Variants in TACC2 observed in about 807,000 individuals in gnomAD.
TACC2 encodes transforming acidic coiled-coil containing protein 2.
In TACC2, 137 loss-of-function variants were observed where a neutral mutation model predicts 227.3. The observed-to-expected ratio is 0.60, with a 90% CI of 0.52 to 0.69. The LOEUF is 0.69. TACC2 is among the 30% of genes least tolerant of loss of function. The probability of loss-of-function intolerance (pLI) is 0.00; values close to 1 mark genes in which losing one functional copy is unlikely to be tolerated. For synonymous variants in TACC2, 1,523 were observed against 1,487.5 expected (o/e 1.02, Z -0.55); for missense variants, 3,470 against 3,694.4 (o/e 0.94, Z 1.57).
At chr10:122,214,218 G>A (rs2141086114) in intron 9 of TACC2, among the ~76,000 whole-genome samples, 2 of 152,214 alleles carry the variant, frequency 1.3e-5, no homozygotes, top group South Asian at 4.1e-4. Context: ...GATTTCTTGA[G>A]TATTTTTGAG....
At chr10:122,146,259 T>C (rs1356271252) in intron 7 of TACC2, among the ~76,000 whole-genome samples, 1 of 151,962 alleles carries the variant, frequency 6.6e-6, no homozygotes, top group Non-Finnish European at 1.5e-5. Context: ...AGAAACAGCA[T>C]GTGCATGGAC....
chr10:122,080,540 C>T (rs1261879444), intron 3 of TACC2, among the ~76,000 whole-genome samples: 1 of 152,070 alleles, frequency 6.6e-6, no homozygotes, highest in African/African-American at 2.4e-5. Context: ...GCCTCTTCCT[C>T]TTCTTATAAA....
Position 122,087,544 on chromosome 10 carries a change from GCAC to G in TACC2, c.5050_5052del (p.Pro1684del), listed in dbSNP as rs775159083. 3.1e-6 allele frequency: 5 copies of G among 1,613,724 alleles called. No homozygotes were observed. The highest frequency in any genetic ancestry group is 3.4e-6 in the Non-Finnish European group (4 of 1,180,046). The stretch of plus-strand genomic sequence containing the variant: ...TGCCCTGGGCAACCAGAGCACCCCT[GCAC>G]CACCAACTGGAGAAGTGGCAGACAC... On this transcript the variant is annotated inframe_deletion, in exon 4 of 23. Coordinates refer to ENST00000369005, the MANE Select transcript of TACC2 (RefSeq NM_206862.4).
chr10:122,106,840 C>T (rs189740082), intron 5 of TACC2, among the ~76,000 whole-genome samples: 18 of 152,328 alleles, frequency 1.2e-4, no homozygotes, highest in Non-Finnish European at 2.1e-4. Context: ...ATTAGTTCAG[C>T]GACATCATTG....
At chr10:122,174,512 T>C (rs2093618913) in intron 7 of TACC2, among the ~76,000 whole-genome samples, 2 of 152,204 alleles carry the variant, frequency 1.3e-5, no homozygotes, top group South Asian at 4.1e-4. Flanking sequence ...TAAAGAATTC[T>C]GTAGGTAAGA....
chr10:122,195,309 C>T (rs905853728), intron 8 of TACC2, 133 bp downstream of exon 8: 10 of 741,080 alleles, frequency 1.3e-5, no homozygotes, highest in East Asian at 5.5e-5. Flanking sequence ...TTGTGCTTGA[C>T]GTGGCTTTTG....
chr10:122,106,017 C>T (rs1176176080), intron 5 of TACC2, among the ~76,000 whole-genome samples: 17 of 138,142 alleles, frequency 1.2e-4, no homozygotes, highest in East Asian at 6.6e-4. Context: ...GATGGGGTCT[C>T]GCTCTTGTTG....
chr10:122,082,242 A>G (rs747372747), intron 3 of TACC2, among the ~76,000 whole-genome samples: 17 of 152,174 alleles, frequency 1.1e-4, no homozygotes, highest in Admixed American at 3.3e-4. Context: ...GAGGAGGCCT[A>G]AGCTGCAGTA....
intron 5 of TACC2, among the ~76,000 whole-genome samples, chr10:122,126,362 G>A (rs2086876998): frequency 7.2e-6 from 1 of 139,660 alleles, no homozygotes; most frequent in East Asian, 2.2e-4. Flanking sequence ...TGTTCAAATA[G>A]TCCCAGATTT....
intron 14 of TACC2, 64 bp from the exon 15 acceptor site, chr10:122,229,282 A>G: frequency 6.3e-7 from 1 of 1,590,484 alleles, no homozygotes; most frequent in Non-Finnish European, 8.6e-7. Flanking sequence ...CCTTGCTTGG[A>G]ATCAATATCA....
At chr10:122,233,158 C>T (rs2095791665) in intron 16 of TACC2, among the ~76,000 whole-genome samples, 1 of 152,194 alleles carries the variant, frequency 6.6e-6, no homozygotes, top group Non-Finnish European at 1.5e-5. Context: ...GGGTGTCAGG[C>T]TGCAGTCTCA....
chr10:122,175,358 T>A, intron 7 of TACC2, among the ~76,000 whole-genome samples: 1 of 152,242 alleles, frequency 6.6e-6, no homozygotes, highest in East Asian at 1.9e-4. Flanking sequence ...AAAGGATACA[T>A]TGGTTAATAT....
chr10:122,081,019 A>C (rs2248492), intron 3 of TACC2, among the ~76,000 whole-genome samples: 147,940 of 152,288 alleles, frequency 0.97, 71,995 homozygotes, highest in East Asian at 1. Context: ...TCTCTTGTTA[A>C]TAGAATATAT....
rs745640843 is a variant in TACC2 at position 122,086,847 on chromosome 10, G to A, written c.4347G>A (p.Glu1449=). 1.1e-5 allele frequency: 17 copies of A among 1,613,894 alleles called. No homozygotes were observed. The highest frequency in any genetic ancestry group is 6.7e-5 in the Admixed American group (4 of 59,998). The change falls in exon 4 of 23, where the codon GAG becomes GAA. Residue 1449 remains glutamate, a synonymous_variant. Transcript: ENST00000369005. ...ACCTCACCAGGCCATTGGGCCCAGA[G>A]AAGCTTCTAGATGGGCCTCCAGGAG... is the stretch of plus-strand genomic sequence containing the variant. ...GKDLTRPLGP[E]KLLDGPPGVD...
chr10:122,164,666 G>C (rs2093042340), intron 7 of TACC2, among the ~76,000 whole-genome samples: 1 of 152,156 alleles, frequency 6.6e-6, no homozygotes, highest in African/African-American at 2.4e-5. Context: ...TCACGTTTCT[G>C]TTATGGTCGT....
chr10:122,092,112 C>T (rs1443519961), intron 5 of TACC2, among the ~76,000 whole-genome samples: 1 of 152,218 alleles, frequency 6.6e-6, no homozygotes, highest in Non-Finnish European at 1.5e-5. Flanking sequence ...TTATATCTCT[C>T]TTCAGGGTGG....
chr10:122,041,459 C>CTT (rs1565139075), intron 2 of TACC2, among the ~76,000 whole-genome samples: 1 of 144,952 alleles, frequency 6.9e-6, no homozygotes, highest in Non-Finnish European at 1.5e-5. Flanking sequence ...TTTTTTTTCT[C>CTT]GTAACGAGAC....
chr10:122,001,031 C>T lies in TACC2; in HGVS notation c.-46+11543C>T, dbSNP rs539409218. Among the ~76,000 whole-genome samples, 38 of 152,314 alleles carry T rather than the reference C, an allele frequency of 2.5e-4. No individual in the cohort carries two copies. The Middle Eastern group carries it at 0.01, about 41-fold the overall frequency. Reference sequence around the variant, plus strand: ...AGAGACATGGTTTCATCATGTTGGCCGGGCTGGTCCTGAACCCCTGACCTC... The same window carrying T: ...AGAGACATGGTTTCATCATGTTGGCTGGGCTGGTCCTGAACCCCTGACCTC... On this transcript the variant is annotated intron_variant, in intron 1 of 22. Transcript: ENST00000369005.
intron 2 of TACC2, among the ~76,000 whole-genome samples, chr10:122,046,290 C>T (rs1055814417): frequency 1.3e-4 from 20 of 151,142 alleles, no homozygotes; most frequent in South Asian, 1.0e-3. Flanking sequence ...CTGGCTAACA[C>T]GGTGAAACCC....
Sources: allele counts gnomAD v4.1 joint callset (sites outside exome capture counted in the v4.1 genomes callset), GRCh38; gene constraint gnomAD v4.1.1; transcripts MANE v1.5; gene names NCBI Gene and HGNC (gene_info 2026-07-23, HGNC 2026-07-21).